CACNA2D3: variants seen among roughly 807,000 people sequenced by gnomAD.
CACNA2D3 encodes calcium voltage-gated channel auxiliary subunit alpha2delta 3.
CACNA2D3 carries 60 observed loss-of-function variants against 160.6 expected under a neutral mutation model. That is an observed-to-expected ratio of 0.37 (90% CI 0.30 to 0.46). The LOEUF (loss-of-function observed/expected upper bound fraction) is 0.46. Among genes scored for constraint, CACNA2D3 ranks in the 20% least tolerant of loss-of-function variants. The pLI is 1.00. For missense variants in CACNA2D3, 1,205 were observed against 1,365.0 expected, an observed-to-expected ratio of 0.88 and a Z score of 1.85; for synonymous variants, 558 against 492.9, an observed-to-expected ratio of 1.13 and a Z score of -1.75.
intron 2 of CACNA2D3, among the ~76,000 whole-genome samples, chr3:54,175,657 A>G (rs1700666494): frequency 1.3e-5 from 2 of 151,056 alleles, no homozygotes; most frequent in South Asian, 2.1e-4. Context: ...GAGAAAGTGC[A>G]TATACATTTA....
At chr3:54,901,090 A>C (rs1700321316) in intron 27 of CACNA2D3, 2 of 152,142 alleles carry the variant, frequency 1.3e-5, no homozygotes, top group South Asian at 4.1e-4. Context: ...TTCCTTGAGG[A>C]AAGTGGGAGA....
chr3:54,441,107 T>G lies in CACNA2D3; in HGVS notation c.381+54333T>G, dbSNP rs575196785. ...AACTAGTTTACAGTCCCACCAACAG[T>G]GTAAAAGTGTTCCTATTTCTCCACA... On this transcript the variant is annotated intron_variant, in intron 4 of 37. Transcript: ENST00000474759. Among the ~76,000 whole-genome samples the G allele has an allele frequency of 4.0e-3, 608 of 152,284 alleles. 6 individuals are homozygous for G. Among genetic ancestry groups the G allele is most frequent in the Non-Finnish European group, 4.1e-3 (279 of 68,020 alleles).
At chr3:54,507,560 A>G (rs932084612) in intron 5 of CACNA2D3, among the ~76,000 whole-genome samples, 1 of 152,154 alleles carries the variant, frequency 6.6e-6, no homozygotes, top group Non-Finnish European at 1.5e-5. Context: ...CTCCTGGGCT[A>G]TGAGATGTCA....
chr3:55,012,407 C>T (rs145012000), intron 34 of CACNA2D3, among the ~76,000 whole-genome samples: 2 of 152,176 alleles, frequency 1.3e-5, no homozygotes, highest in Non-Finnish European at 2.9e-5. Context: ...CATTCTTCTT[C>T]ATACCTAGTG....
At chr3:54,357,338 C>T (rs958212586) in intron 3 of CACNA2D3, among the ~76,000 whole-genome samples, 2 of 152,184 alleles carry the variant, frequency 1.3e-5, no homozygotes, top group Non-Finnish European at 2.9e-5. Flanking sequence ...TCTTGGAACA[C>T]AACAAATACA....
intron 2 of CACNA2D3, among the ~76,000 whole-genome samples, chr3:54,124,069 C>T (rs1699537173): frequency 1.3e-5 from 2 of 152,160 alleles, no homozygotes; most frequent in African/African-American, 2.4e-5. Flanking sequence ...CATTATTCCC[C>T]AATCATCTAG....
At chr3:54,622,831 C>T (rs1359802860) in intron 9 of CACNA2D3, among the ~76,000 whole-genome samples, 1 of 152,126 alleles carries the variant, frequency 6.6e-6, no homozygotes, top group Non-Finnish European at 1.5e-5. Context: ...ATCACAAATC[C>T]TCCGTGCCAT....
At chr3:54,885,210 G>T (rs889227333) in intron 21 of CACNA2D3, 71 bp from the exon 22 acceptor site, 1 of 1,547,672 alleles carries the variant, frequency 6.5e-7, no homozygotes, top group Non-Finnish European at 8.9e-7. Context: ...CCCTACCCTA[G>T]AATATTTGAA....
intron 2 of CACNA2D3, among the ~76,000 whole-genome samples, chr3:54,187,201 A>G (rs752889972): frequency 1.4e-4 from 22 of 152,186 alleles, no homozygotes; most frequent in Non-Finnish European, 2.9e-4. Context: ...CTTGGCCTTC[A>G]GCCTCCAGAT....
At chr3:54,279,859 G>A (rs1310363084) in intron 2 of CACNA2D3, among the ~76,000 whole-genome samples, 2 of 152,130 alleles carry the variant, frequency 1.3e-5, no homozygotes, top group Non-Finnish European at 2.9e-5. Flanking sequence ...AGGACCTGAG[G>A]TGTTGGTTTT....
At chr3:54,591,705 G>A (rs900995445) in intron 9 of CACNA2D3, among the ~76,000 whole-genome samples, 9 of 151,588 alleles carry the variant, frequency 5.9e-5, no homozygotes, top group Non-Finnish European at 1.0e-4. Context: ...TCCAGGGTTG[G>A]CAGTTCTCAC....
intron 11 of CACNA2D3, among the ~76,000 whole-genome samples, chr3:54,646,124 TTTCTTCCTTCCTTCCTTC>T (rs1443745415): frequency 1.4e-5 from 1 of 70,146 alleles, no homozygotes; most frequent in Non-Finnish European, 3.8e-5. Context: ...CCTTCCTTCC[TTTCTTCCTTCCTTCCTTC>T]CTTCCTTCCC....
At chr3:54,876,413 A>G (rs1699659218) in intron 18 of CACNA2D3, 1 of 152,228 alleles carries the variant, frequency 6.6e-6, no homozygotes, top group Non-Finnish European at 1.5e-5. Flanking sequence ...CTCCTCTGGC[A>G]AGGAGGACAG....
intron 2 of CACNA2D3, among the ~76,000 whole-genome samples, chr3:54,292,107 C>CA (rs754128809): frequency 6.6e-6 from 1 of 152,050 alleles, no homozygotes. Flanking sequence ...GGGACAACTG[C>CA]ATAGCCACAG....
chr3:55,041,928 C>G (rs556255358), intron 35 of CACNA2D3, among the ~76,000 whole-genome samples: 1 of 151,786 alleles, frequency 6.6e-6, no homozygotes, highest in Non-Finnish European at 1.5e-5. Flanking sequence ...AGAAGTGTGC[C>G]GCTTAATTTT....
At chr3:54,401,191 CA>C (rs1253531432) in intron 4 of CACNA2D3, among the ~76,000 whole-genome samples, 1 of 151,538 alleles carries the variant, frequency 6.6e-6, no homozygotes, top group Non-Finnish European at 1.5e-5. Context: ...ATTACCTAGT[CA>C]ACGGAAAAAA....
chr3:54,298,473 C>T (rs1041120043), intron 2 of CACNA2D3, among the ~76,000 whole-genome samples: 1 of 152,186 alleles, frequency 6.6e-6, no homozygotes, highest in African/African-American at 2.4e-5. Context: ...AGTGAGTTTA[C>T]TCAACTTTCA....
At chr3:54,599,214 C>G (rs1343890008) in intron 9 of CACNA2D3, among the ~76,000 whole-genome samples, 2 of 152,180 alleles carry the variant, frequency 1.3e-5, no homozygotes, top group Admixed American at 6.5e-5. Context: ...TCCACAGCCT[C>G]ATCTTGCCTT....
chr3:55,072,072 A>AAGAT (rs527857438), intron 35 of CACNA2D3, among the ~76,000 whole-genome samples: 179 of 152,364 alleles, frequency 1.2e-3, no homozygotes, highest in African/African-American at 3.9e-3. Flanking sequence ...GAAGGTAAAG[A>AAGAT]AGATACAGAC....
Sources: gnomAD v4.1 joint callset for allele counts (sites outside exome capture counted in the v4.1 genomes callset) on GRCh38, gnomAD v4.1.1 for gene constraint, MANE v1.5 for transcripts, NCBI Gene and HGNC (gene_info 2026-07-23, HGNC 2026-07-21) for gene names.